Variants in VPS13B observed in about 807,000 individuals in gnomAD.
The protein encoded by VPS13B is vacuolar protein sorting 13 homolog B, also known as intermembrane lipid transfer protein VPS13B.
In VPS13B, 285 loss-of-function variants were observed where a neutral mutation model predicts 426.4. The observed-to-expected ratio is 0.67, with a 90% confidence interval of 0.61 to 0.74. VPS13B has a LOEUF of 0.74. Among genes scored for constraint, VPS13B ranks in the 30% least tolerant of loss-of-function variants. The pLI is 0.00. For synonymous variants in VPS13B, 1,676 were observed against 1,676.4 expected, an observed-to-expected ratio of 1.00 and a Z score of 0.01; for missense variants, 4,537 against 4,782.6, an observed-to-expected ratio of 0.95 and a Z score of 1.51.
At chr8:99,788,829 C>T (rs1588712141) in intron 43 of VPS13B, among the ~76,000 whole-genome samples, 1 of 152,276 alleles carries the variant, frequency 6.6e-6, no homozygotes, top group East Asian at 1.9e-4. Flanking sequence ...CCTAAGTTTG[C>T]CAACACTTGC....
rs145787035 is a variant in VPS13B, at chr8:99,072,087, A to AC, written c.292-24222dup. 7.9e-5 allele frequency among the ~76,000 whole-genome samples: 12 copies of AC among 152,076 alleles called. No individual in the cohort carries two copies. In the East Asian group the frequency reaches 2.3e-3, roughly 30 times the overall value. On this transcript the variant is annotated intron_variant, in intron 3 of 61. Transcript: ENST00000357162. ...TGCGATTTTGTGGTTGAGCTGGTGT[A>AC]CCCAGGCAGCAAGACAAAGTCCCCT...
At position 99,835,782 on chromosome 8, in the gene VPS13B, C is replaced by T. The variant is rs747028039; in HGVS notation, c.9942+44C>T. 2.5e-6 allele frequency: 4 copies of T among 1,600,162 alleles called. No individual in the cohort carries two copies. The Admixed American group carries it at 5.0e-5, about 20-fold the overall frequency. On this transcript the variant is annotated intron_variant, in intron 54 of 61. Coordinates refer to ENST00000357162, the MANE Select transcript of VPS13B (RefSeq NM_152564.5). ...CCTGCCAAGACCCAAAGAAAAATGC[C>T]CTTTTCTGAGGTTTTGTCAGTTGCC... is the stretch of plus-strand genomic sequence containing the variant.
chr8:99,855,265 CCA>C (rs1051521526), intron 56 of VPS13B, among the ~76,000 whole-genome samples: 24 of 152,106 alleles, frequency 1.6e-4, no homozygotes, highest in African/African-American at 5.8e-4. Flanking sequence ...ACCTGTAGTC[CCA>C]GCTACTACTG....
At chr8:99,225,991 C>G (rs1296491789) in intron 17 of VPS13B, among the ~76,000 whole-genome samples, 1 of 152,140 alleles carries the variant, frequency 6.6e-6, no homozygotes, top group East Asian at 1.9e-4. Flanking sequence ...GTCGCCCAGG[C>G]TGGAGTGCAG....
At chr8:99,736,486 A>T (rs548514555) in intron 39 of VPS13B, among the ~76,000 whole-genome samples, 11 of 152,194 alleles carry the variant, frequency 7.2e-5, no homozygotes, top group Non-Finnish European at 1.3e-4. Context: ...AGGCAGGAGA[A>T]TCACTTGAAA....
At chr8:99,309,032 G>T (rs1182367073) in intron 19 of VPS13B, among the ~76,000 whole-genome samples, 1 of 152,028 alleles carries the variant, frequency 6.6e-6, no homozygotes, top group Non-Finnish European at 1.5e-5. Flanking sequence ...GGAGTTGTTT[G>T]TTTTTTTCTT....
At chr8:99,208,084 C>T (rs931559607) in intron 17 of VPS13B, among the ~76,000 whole-genome samples, 2 of 152,144 alleles carry the variant, frequency 1.3e-5, no homozygotes, top group African/African-American at 4.8e-5. Context: ...TTTGTTGAAG[C>T]CTTGGGCTGC....
chr8:99,552,802 G>C (rs1824352878), intron 30 of VPS13B, among the ~76,000 whole-genome samples: 1 of 152,066 alleles, frequency 6.6e-6, no homozygotes, highest in Non-Finnish European at 1.5e-5. Flanking sequence ...ACAATATCAA[G>C]ACCAGGAAGT....
chr8:99,580,295 A>C (rs529158248), intron 33 of VPS13B, among the ~76,000 whole-genome samples: 2 of 148,482 alleles, frequency 1.3e-5, no homozygotes, highest in East Asian at 2.0e-4. Context: ...ATGTATATTT[A>C]ATTATGTATA....
chr8:99,210,359 T>C (rs1815006929), intron 17 of VPS13B, among the ~76,000 whole-genome samples: 1 of 152,172 alleles, frequency 6.6e-6, no homozygotes, highest in African/African-American at 2.4e-5. Flanking sequence ...ACATCTCCCA[T>C]TGAGCTATGT....
intron 17 of VPS13B, among the ~76,000 whole-genome samples, chr8:99,232,807 A>G (rs1041730213): frequency 2.6e-5 from 4 of 152,196 alleles, no homozygotes; most frequent in African/African-American, 9.6e-5. Flanking sequence ...GAAGCTGCAG[A>G]AGTCCTGGGA....
chr8:99,356,193 C>T (rs1199681780), intron 19 of VPS13B, among the ~76,000 whole-genome samples: 3 of 152,146 alleles, frequency 2.0e-5, no homozygotes, highest in Non-Finnish European at 4.4e-5. Flanking sequence ...TTTAGACTGT[C>T]ACTATACCTT....
At chr8:99,314,081 G>A (rs918209436) in intron 19 of VPS13B, among the ~76,000 whole-genome samples, 8 of 152,150 alleles carry the variant, frequency 5.3e-5, no homozygotes, top group Non-Finnish European at 1.2e-4. Context: ...GTTCCTTTGG[G>A]TAGGAAAGGG....
At chr8:99,736,346 G>A (rs1833829727) in intron 39 of VPS13B, among the ~76,000 whole-genome samples, 1 of 152,178 alleles carries the variant, frequency 6.6e-6, no homozygotes, top group African/African-American at 2.4e-5. Flanking sequence ...GCTGAGGCGG[G>A]TGGATCATTT....
At chr8:99,231,020 T>C (rs7010582) in intron 17 of VPS13B, among the ~76,000 whole-genome samples, 111,571 of 152,140 alleles carry the variant, frequency 0.73, 41,665 homozygotes, top group South Asian at 0.86. Flanking sequence ...TTTTTGTTAA[T>C]GTTTCAGTGT....
At chr8:99,029,609 C>CAA (rs1330306712) in intron 2 of VPS13B, among the ~76,000 whole-genome samples, 6 of 142,804 alleles carry the variant, frequency 4.2e-5, no homozygotes, top group African/African-American at 1.5e-4. Context: ...CTGTCTCCAC[C>CAA]AAAAAAAAAA....
intron 28 of VPS13B, among the ~76,000 whole-genome samples, chr8:99,508,803 T>C (rs1202692704): frequency 5.3e-5 from 8 of 152,076 alleles, no homozygotes; most frequent in Non-Finnish European, 1.0e-4. Flanking sequence ...CATTTTATTT[T>C]AAATAGTATA....
At chr8:99,780,634 G>A (rs145291776) in intron 42 of VPS13B, among the ~76,000 whole-genome samples, 77 of 152,124 alleles carry the variant, frequency 5.1e-4, no homozygotes, top group Non-Finnish European at 9.1e-4. Context: ...TCTATGAATA[G>A]TTGGTTCTGA....
chr8:99,835,725 G>C lies in VPS13B; in HGVS notation c.9929G>C (p.Ser3310Thr). 1 of 1,614,120 alleles carries C rather than the reference G, an allele frequency of 6.2e-7. No homozygotes were observed. The highest frequency in any genetic ancestry group is 8.5e-7 in the Non-Finnish European group (1 of 1,179,998). Residue 3310 changes from serine to threonine, a missense_variant, in exon 54 of 62, where the codon AGT (serine) becomes ACT (threonine). Transcript: ENST00000357162. ...TEWSDAIDIN[S>T]QGTQVVFLTG... The stretch of plus-strand genomic sequence containing the variant: ...TGGAGTGATGCCATTGACATCAACA[G>C]TCAGGGAACACAGGTCAGTGAGCCA...
Sources: gnomAD v4.1 joint callset for allele counts (sites outside exome capture counted in the v4.1 genomes callset) on GRCh38, gnomAD v4.1.1 for gene constraint, MANE v1.5 for transcripts, NCBI Gene and HGNC (gene_info 2026-07-23, HGNC 2026-07-21) for gene names.